The following SRGAP3 variants were observed in gnomAD, a reference collection of about 807,000 sequenced individuals.
SRGAP3 encodes SLIT-ROBO Rho GTPase activating protein 3, also known as SLIT-ROBO Rho GTPase-activating protein 3.
SRGAP3 carries 39 observed loss-of-function variants against 121.1 expected under a neutral mutation model. The ratio of observed to expected loss-of-function variants is 0.32; its 90% CI spans 0.25 to 0.42. The LOEUF (loss-of-function observed/expected upper bound fraction) is 0.42, where lower values mean the gene tolerates loss of function less well. SRGAP3 is among the 10% of genes least tolerant of loss of function. The probability of loss-of-function intolerance (pLI) is 1.00; values close to 1 mark genes in which losing one functional copy is unlikely to be tolerated. For missense variants in SRGAP3, 1,213 were observed against 1,470.6 expected, an observed-to-expected ratio of 0.82 and a Z score of 2.86; for synonymous variants, 601 against 570.0, an observed-to-expected ratio of 1.05 and a Z score of -0.77.
At chr3:9,357,465 C>G (rs554005474) in intron 1 of SRGAP3, among the ~76,000 whole-genome samples, 1 of 152,096 alleles carries the variant, frequency 6.6e-6, no homozygotes, top group South Asian at 2.1e-4. Context: ...TGGTCTTAAA[C>G]TCCTAGGCTC....
intron 7 of SRGAP3, 100 bp downstream of exon 7, chr3:9,058,151 G>C (rs915130965): frequency 7.5e-7 from 1 of 1,329,124 alleles, no homozygotes; most frequent in Admixed American, 1.7e-5. Flanking sequence ...CCAGGCGTCG[G>C]ATAGAAACTT....
intron 2 of SRGAP3, among the ~76,000 whole-genome samples, chr3:9,115,451 C>T (rs967377874): frequency 1.3e-5 from 2 of 152,024 alleles, no homozygotes; most frequent in Non-Finnish European, 2.9e-5. Context: ...TATATGCATG[C>T]ATAAAGAAAT....
At chr3:9,268,543 C>A (rs903593865) in intron 3 of SRGAP3, among the ~76,000 whole-genome samples, 1 of 152,090 alleles carries the variant, frequency 6.6e-6, no homozygotes. Flanking sequence ...ACTAAGACAG[C>A]ATCATTCTAG....
chr3:9,028,113 C>G lies in SRGAP3; in HGVS notation c.1540-1118G>C, dbSNP rs762200157. On this transcript the variant is annotated intron_variant, in intron 12 of 21. Transcript: ENST00000383836. ...TCTAGTAAATACCTGGTTCCTGGTT[C>G]GAGCATTTCTTCTTCCTCTGATAAC... 5 of 1,614,112 alleles carry G rather than the reference C, an allele frequency of 3.1e-6. No individual in the cohort carries two copies. The South Asian group carries it at 4.4e-5, about 14-fold the overall frequency.
chr3:9,247,607 G>A (rs1382311411), intron 1 of SRGAP3, among the ~76,000 whole-genome samples: 1 of 152,178 alleles, frequency 6.6e-6, no homozygotes, highest in Non-Finnish European at 1.5e-5. Context: ...TGGGTCATTG[G>A]GTCTTCAGTT....
At position 9,215,483 on chromosome 3, in the gene SRGAP3, A is replaced by G. The variant is rs577575280; in HGVS notation, c.67+33402T>C. ...TGTGACCCAAGCTCCTCTCTGCTCAATGCTGATGCTTCATTTTAGGTATCA... is the reference window on the plus strand; with the variant it reads ...TGTGACCCAAGCTCCTCTCTGCTCAGTGCTGATGCTTCATTTTAGGTATCA... On this transcript the variant is annotated intron_variant, in intron 1 of 21. Coordinates refer to ENST00000383836, the MANE Select transcript of SRGAP3 (RefSeq NM_014850.4). Among the ~76,000 whole-genome samples the G allele has an allele frequency of 2.0e-5, 3 of 152,300 alleles. No individual in the cohort carries two copies. The East Asian group carries it at 5.8e-4, about 29-fold the overall frequency.
At chr3:9,110,574 A>T (rs1439041744) in intron 2 of SRGAP3, among the ~76,000 whole-genome samples, 1 of 152,204 alleles carries the variant, frequency 6.6e-6, no homozygotes, top group African/African-American at 2.4e-5. Context: ...TCCCTAAAAG[A>T]GGGCAAGATG....
intron 3 of SRGAP3, among the ~76,000 whole-genome samples, chr3:9,306,383 AC>A (rs1443500074): frequency 9.9e-5 from 15 of 152,082 alleles, no homozygotes; most frequent in African/African-American, 3.6e-4. Context: ...CTCTGATGGT[AC>A]TTTCTTTTGC....
rs74870079 is a variant in SRGAP3 at position 9,205,533 on chromosome 3, G to C, written c.67+43352C>G. On this transcript the variant is annotated intron_variant, in intron 1 of 21. Transcript: ENST00000383836. ...GTAAGCATTTGCATCACCACACAGA[G>C]GACAGAGCTGAGACTCAATAAATGA... Among the ~76,000 whole-genome samples the C allele has an allele frequency of 3.4e-3, 515 of 152,266 alleles. 1 individual carries two copies. The highest frequency in any genetic ancestry group is 5.3e-3 in the Non-Finnish European group (361 of 68,026).
At chr3:9,165,775 C>T (rs968547638) in intron 1 of SRGAP3, among the ~76,000 whole-genome samples, 1 of 152,176 alleles carries the variant, frequency 6.6e-6, no homozygotes, top group African/African-American at 2.4e-5. Context: ...GTCTGCAGCG[C>T]TCCTTTAACC....
At chr3:9,185,127 G>A (rs1214359478) in intron 1 of SRGAP3, among the ~76,000 whole-genome samples, 1 of 152,216 alleles carries the variant, frequency 6.6e-6, no homozygotes, top group Non-Finnish European at 1.5e-5. Flanking sequence ...TGATTCCCAA[G>A]GGTCATAGGC....
At chr3:9,012,379 G>T (rs1172992034) in intron 17 of SRGAP3, among the ~76,000 whole-genome samples, 2 of 152,168 alleles carry the variant, frequency 1.3e-5, no homozygotes, top group African/African-American at 2.4e-5. Flanking sequence ...GAAATGCTTT[G>T]GTCTCTGTCA....
At chr3:9,143,078 G>A (rs1031042530) in intron 1 of SRGAP3, among the ~76,000 whole-genome samples, 2 of 151,904 alleles carry the variant, frequency 1.3e-5, no homozygotes, top group Non-Finnish European at 2.9e-5. Flanking sequence ...GGGCTCAAGC[G>A]ATCCTCCTGC....
At chr3:9,031,000 G>A (rs73026051) in intron 12 of SRGAP3, among the ~76,000 whole-genome samples, 17,689 of 151,998 alleles carry the variant, frequency 0.12, 1,254 homozygotes, top group East Asian at 0.34. Flanking sequence ...TGTCACCGAG[G>A]CTGGAGTGGC....
chr3:9,228,482 G>T (rs1574906820), intron 1 of SRGAP3, among the ~76,000 whole-genome samples: 1 of 152,172 alleles, frequency 6.6e-6, no homozygotes, highest in Non-Finnish European at 1.5e-5. Flanking sequence ...TTTTTCTCCT[G>T]TTGAGTCCTG....
At chr3:9,113,893 T>C (rs974617214) in intron 2 of SRGAP3, among the ~76,000 whole-genome samples, 3 of 152,180 alleles carry the variant, frequency 2.0e-5, no homozygotes, top group Admixed American at 6.5e-5. Flanking sequence ...ATTAAACCCC[T>C]TTTCTTTATA....
At chr3:9,130,894 A>G (rs2287492) in intron 1 of SRGAP3, among the ~76,000 whole-genome samples, 78,777 of 152,118 alleles carry the variant, frequency 0.52, 22,413 homozygotes, top group African/African-American at 0.78. Flanking sequence ...CGATTTGGAA[A>G]GAGCAGAGCA....
At chr3:9,197,059 A>C (rs1363860161) in intron 1 of SRGAP3, among the ~76,000 whole-genome samples, 1 of 152,230 alleles carries the variant, frequency 6.6e-6, no homozygotes, top group Non-Finnish European at 1.5e-5. Flanking sequence ...CACTCACGAC[A>C]AGAAAAGCCA....
chr3:9,220,038 G>A (rs1952757938), intron 1 of SRGAP3, among the ~76,000 whole-genome samples: 1 of 152,156 alleles, frequency 6.6e-6, no homozygotes, highest in Non-Finnish European at 1.5e-5. Flanking sequence ...GGAAGGTAGG[G>A]TGGGGCGGGG....
Sources: gnomAD v4.1 joint callset for allele counts (sites outside exome capture counted in the v4.1 genomes callset) on GRCh38, gnomAD v4.1.1 for gene constraint, MANE v1.5 for transcripts, NCBI Gene and HGNC (gene_info 2026-07-23, HGNC 2026-07-21) for gene names.